MYL3: variants seen among roughly 807,000 people sequenced by gnomAD.
The protein encoded by MYL3 is myosin light chain 3.
In MYL3, 11 loss-of-function variants were observed where a neutral mutation model predicts 21.3. That is an observed-to-expected ratio of 0.52 (90% CI 0.32 to 0.85). The LOEUF is 0.85. Ranked by LOEUF, MYL3 falls within the 40% of genes least tolerant of loss-of-function variation. MYL3 has a pLI of 0.03. For synonymous variants in MYL3, 88 were observed against 91.6 expected (o/e 0.96, Z 0.22); for missense variants, 206 against 253.3 (o/e 0.81, Z 1.27).
At chr3:46,858,909 A>T (rs1701961347) in intron 4 of MYL3, among the ~76,000 whole-genome samples, 1 of 152,054 alleles carries the variant, frequency 6.6e-6, no homozygotes, top group East Asian at 1.9e-4. Context: ...TGCCAGCCGC[A>T]GCTCCCCCTT....
rs1211717071 is a variant in MYL3 at position 46,858,071 on chromosome 3, A to G, written c.*44T>C. The G allele has an allele frequency of 1.2e-6, 1 of 809,140 alleles. No homozygotes were observed. The highest frequency in any genetic ancestry group is 2.6e-5 in the East Asian group (1 of 38,006). The allele number at this position is 809,140 out of a possible 1,614,324, so 50.1% of individuals were successfully genotyped here. A position where few individuals can be genotyped will look rare whatever the true frequency, so the allele number is the denominator to read the frequency against. On this transcript the variant is annotated 3_prime_UTR_variant, in exon 7 of 7. Transcript: ENST00000292327. ...GTGTCAGCATCACACATGGGAGATGAGACGTCCCTGCACAGCCTTCCCTGG... is the reference window on the plus strand; with the variant it reads ...GTGTCAGCATCACACATGGGAGATGGGACGTCCCTGCACAGCCTTCCCTGG...
rs1701966065 is a variant in MYL3 at position 46,859,447 on chromosome 3, T to C, written c.481+28A>G. On this transcript the variant is annotated intron_variant, in intron 4 of 6. Transcript: ENST00000292327. The surrounding 1 kb of genome is among the most constrained non-coding windows in gnomAD (Gnocchi z 4.1). ...TCTCCCAGGATGTCCCTGGAAGGAGTTGGGGTAGGGGAGGAGGCTGCCCTC... is the reference window on the plus strand; with the variant it reads ...TCTCCCAGGATGTCCCTGGAAGGAGCTGGGGTAGGGGAGGAGGCTGCCCTC... 6 of 1,613,396 alleles carry C rather than the reference T, an allele frequency of 3.7e-6. No homozygotes were observed. Among genetic ancestry groups the C allele is most frequent in the East Asian group, 4.5e-5 (2 of 44,868 alleles).
chr3:46,871,125 A>C (rs1702105283), intron 1 of MYL3, among the ~76,000 whole-genome samples: 2 of 152,178 alleles, frequency 1.3e-5, no homozygotes, highest in East Asian at 1.9e-4. Flanking sequence ...CACATCTTTT[A>C]GCTCACGGGT....
intron 1 of MYL3, among the ~76,000 whole-genome samples, chr3:46,872,415 T>C (rs1169057342): frequency 6.6e-6 from 1 of 152,134 alleles, no homozygotes; most frequent in Non-Finnish European, 1.5e-5. Context: ...GTGGGGGATT[T>C]AGCAGGGGAT....
chr3:46,866,201 A>G (rs1372159521), upstream of MYL3, among the ~76,000 whole-genome samples: 1 of 152,110 alleles, frequency 6.6e-6, no homozygotes, highest in Non-Finnish European at 1.5e-5. Flanking sequence ...TCCCAACCTG[A>G]GCTTTGTGCC....
chr3:46,880,517 A>G (rs2106942319), intron 1 of MYL3, among the ~76,000 whole-genome samples: 1 of 152,294 alleles, frequency 6.6e-6, no homozygotes, highest in East Asian at 1.9e-4. Context: ...AGGCAGGTGG[A>G]TCACTTGAGG....
intron 1 of MYL3, among the ~76,000 whole-genome samples, chr3:46,875,047 A>G (rs966482575): frequency 6.6e-6 from 1 of 152,210 alleles, no homozygotes; most frequent in African/African-American, 2.4e-5. Flanking sequence ...GGCAGGGAGA[A>G]CTGAAGACCT....
At chr3:46,880,561 G>A (rs977402173) in intron 1 of MYL3, among the ~76,000 whole-genome samples, 5 of 152,096 alleles carry the variant, frequency 3.3e-5, no homozygotes, top group South Asian at 4.1e-4. Flanking sequence ...TCAACATGGT[G>A]AAACCCCGTC....
At chr3:46,870,911 G>A (rs1446314931) in intron 1 of MYL3, among the ~76,000 whole-genome samples, 1 of 152,184 alleles carries the variant, frequency 6.6e-6, no homozygotes, top group African/African-American at 2.4e-5. Flanking sequence ...GCCCAAGGGA[G>A]CTTGGGCCAA....
Position 46,879,530 on chromosome 3 carries a change from C to T in MYL3, c.-218+2544G>A, listed in dbSNP as rs1344901322. Reference sequence around the variant, plus strand: ...GGCCGAGGCAGGAGGACTGCTTGAGCCCAAGAGTTGGAGACCAGTCTAGGC... The same window carrying T: ...GGCCGAGGCAGGAGGACTGCTTGAGTCCAAGAGTTGGAGACCAGTCTAGGC... On this transcript the variant is annotated intron_variant, in intron 1 of 3. Coordinates refer to the MYL3 transcript ENST00000431168. The surrounding 1 kb of genome is among the most constrained non-coding windows in gnomAD (Gnocchi z 4.7). 1.3e-5 allele frequency among the ~76,000 whole-genome samples: 2 copies of T among 151,530 alleles called. No homozygotes were observed. Among genetic ancestry groups the T allele is most frequent in the Non-Finnish European group, 2.9e-5 (2 of 67,900 alleles).
upstream of MYL3, among the ~76,000 whole-genome samples, chr3:46,866,926 G>A (rs1342057907): frequency 2.6e-5 from 4 of 152,176 alleles, no homozygotes; most frequent in African/African-American, 9.7e-5. Flanking sequence ...TCAGCCAGCA[G>A]GGGGCGCAGA....
intron 1 of MYL3, among the ~76,000 whole-genome samples, chr3:46,871,516 C>T (rs1252701573): frequency 6.6e-6 from 1 of 152,010 alleles, no homozygotes; most frequent in Non-Finnish European, 1.5e-5. Context: ...CATTCCTTTC[C>T]CAGATCTTGG....
upstream of MYL3, among the ~76,000 whole-genome samples, chr3:46,867,394 G>A (rs1702056769): frequency 6.6e-6 from 1 of 152,222 alleles, no homozygotes. Context: ...GGGGCACCGG[G>A]GGGTCACACT....
chr3:46,868,787 C>G (rs890356553), intron 1 of MYL3, among the ~76,000 whole-genome samples: 1 of 152,228 alleles, frequency 6.6e-6, no homozygotes, highest in Non-Finnish European at 1.5e-5. Flanking sequence ...CTCAGCCCCA[C>G]TCTCAGCAGC....
rs1701964595 is a variant in MYL3, at chr3:46,859,284, T to A, written c.481+191A>T. Among the ~76,000 whole-genome samples the A allele has an allele frequency of 6.6e-6, 1 of 152,208 alleles. No individual in the cohort carries two copies. Among genetic ancestry groups the A allele is most frequent in the Admixed American group, 6.5e-5 (1 of 15,282 alleles). On this transcript the variant is annotated intron_variant, in intron 4 of 6. Coordinates refer to ENST00000292327, the MANE Select transcript of MYL3 (RefSeq NM_000258.3). The surrounding 1 kb of genome is among the most constrained non-coding windows in gnomAD (Gnocchi z 4.1). ...GTCCCCAGAGCTGATGTCATCCCCC[T>A]TCTGTGAGCTGCACCAGCATGCTTG...
chr3:46,881,346 G>A (rs1575505314), intron 1 of MYL3, among the ~76,000 whole-genome samples: 1 of 152,068 alleles, frequency 6.6e-6, no homozygotes, highest in Non-Finnish European at 1.5e-5. Context: ...ATCCCGCCCC[G>A]TTCAGCCCCA....
chr3:46,878,984 T>A lies in MYL3; in HGVS notation c.-218+3090A>T, dbSNP rs183236942. Among the ~76,000 whole-genome samples, 52 of 152,326 alleles carry A rather than the reference T, an allele frequency of 3.4e-4. No individual in the cohort carries two copies. In the South Asian group the frequency reaches 9.7e-3, roughly 29 times the overall value. On this transcript the variant is annotated intron_variant, in intron 1 of 3. Coordinates refer to the MYL3 transcript ENST00000431168. Reference sequence around the variant, plus strand: ...TAACCAGAAACTGACTCTGAGCCCCTGGGGCGTGCTTGTCAAAAAGGGCAA... The same window carrying A: ...TAACCAGAAACTGACTCTGAGCCCCAGGGGCGTGCTTGTCAAAAAGGGCAA...
intron 5 of MYL3, 23 bp downstream of exon 5, chr3:46,858,357 GAAGA>G: frequency 6.2e-7 from 1 of 1,614,152 alleles, no homozygotes; most frequent in Non-Finnish European, 8.5e-7. Flanking sequence ...TCCCCTCCCA[GAAGA>G]CCCCTGCCCC....
Position 46,858,478 on chromosome 3 carries a change from G to T in MYL3, c.482-17C>A. The T allele has an allele frequency of 6.2e-7, 1 of 1,610,984 alleles. No homozygotes were observed. On this transcript the variant is annotated splice_polypyrimidine_tract_variant and intron_variant, in intron 4 of 6. Transcript: ENST00000292327. ...GCCTCTCACCTGGCAGGAGTGGGAG[G>T]CTGAGTCAGCACCGTGCGTGCAGAG... is the stretch of plus-strand genomic sequence containing the variant.
Sources: gnomAD v4.1 joint callset for allele counts (sites outside exome capture counted in the v4.1 genomes callset) on GRCh38, gnomAD v4.1.1 for gene constraint, Gnocchi (gnomAD v3.1) non-coding constraint, MANE v1.5 for transcripts, NCBI Gene and HGNC (gene_info 2026-07-23, HGNC 2026-07-21) for gene names.